NTPCR: variants seen among roughly 807,000 people sequenced by gnomAD.
NTPCR encodes cancer-related nucleoside-triphosphatase.
NTPCR carries 15 observed loss-of-function variants against 19.5 expected under a neutral mutation model. The observed-to-expected ratio is 0.77, with a 90% CI of 0.51 to 1.18. The LOEUF (loss-of-function observed/expected upper bound fraction) is 1.18. NTPCR is among the 50% of genes most tolerant of loss of function. NTPCR has a pLI of 0.00. For missense variants in NTPCR, 206 were observed against 240.4 expected (o/e 0.86, Z 0.95); for synonymous variants, 90 against 95.8 (o/e 0.94, Z 0.36).
rs115939844 is a variant in NTPCR, at chr1:232,958,600, G to A, written c.294+2157G>A. 7.3e-3 allele frequency among the ~76,000 whole-genome samples: 1,115 copies of A among 152,254 alleles called. 15 individuals carry two copies. Among genetic ancestry groups the A allele is most frequent in the African/African-American group, 0.024 (1,012 of 41,548 alleles). On this transcript the variant is annotated intron_variant, in intron 3 of 4. Coordinates refer to ENST00000366628, the MANE Select transcript of NTPCR (RefSeq NM_032324.3). ...CACCAAGTTCTCCTTTTCTTCCTAC[G>A]CTGTGTTTCCTCCTCCCACCTCCTT...
At chr1:232,972,000 C>T (rs754927030) in intron 4 of NTPCR, among the ~76,000 whole-genome samples, 12 of 151,936 alleles carry the variant, frequency 7.9e-5, no homozygotes, top group African/African-American at 2.4e-4. Context: ...TAGTGTTAGA[C>T]TCCAGGGATT....
chr1:232,952,962 T>TCCTGTGC (rs1465063142), intron 1 of NTPCR, among the ~76,000 whole-genome samples: 3 of 152,180 alleles, frequency 2.0e-5, no homozygotes, highest in Non-Finnish European at 2.9e-5. Flanking sequence ...GCCAGGGAAT[T>TCCTGTGC]CCTGTGCCCT....
At position 232,983,093 on chromosome 1, in the gene NTPCR, T is replaced by C. The variant is rs1346065586; in HGVS notation, c.*4862T>C. 6.6e-6 allele frequency: 1 copy of C among 152,234 alleles called. No individual in the cohort carries two copies. The allele number at this position is 152,234 out of a possible 1,614,324, so 9.4% of individuals were successfully genotyped here. A position where few individuals can be genotyped will look rare whatever the true frequency, so the allele number is the denominator to read the frequency against. ...TACAAAAAAAAAAATTAGAAAAGCA[T>C]TACCATTTACTTTCCAAGGGGCAAG... On this transcript the variant is annotated 3_prime_UTR_variant, in exon 5 of 5. Transcript: ENST00000366628.
In NTPCR at chr1:232,982,689, T is replaced by C. The variant is rs1301393528; in HGVS notation, c.*4458T>C. The C allele has an allele frequency of 6.6e-6, 1 of 152,236 alleles. No homozygotes were observed. Among genetic ancestry groups the C allele is most frequent in the African/African-American group, 2.4e-5 (1 of 41,446 alleles). The allele number at this position is 152,236 out of a possible 1,614,324, so 9.4% of individuals were successfully genotyped here. On this transcript the variant is annotated 3_prime_UTR_variant, in exon 5 of 5. Transcript: ENST00000366628. ...GAGATTCCCCGTTTTGTGGAATGCT[T>C]TCTGTGTTTCCTACTTCTGGATGCC...
chr1:232,958,617 C>T (rs978293665), intron 3 of NTPCR, among the ~76,000 whole-genome samples: 2 of 152,210 alleles, frequency 1.3e-5, no homozygotes, highest in East Asian at 3.9e-4. Flanking sequence ...TTCCTCCTCC[C>T]ACCTCCTTCT....
At position 232,956,378 on chromosome 1, in the gene NTPCR, C is replaced by T. The variant is rs745622660; in HGVS notation, c.229C>T (p.Arg77Ter). Reference protein sequence around the residue: ...LEPPPGKRECRVGQYVVDLTS... With the variant: ...LEPPPGKREC ...GCCTCCACCTGGAAAACGTGAATGC[C>T]GAGTTGGGCAGTATGTGGTCGACCT... The change falls in exon 3 of 5, where the codon CGA becomes TGA. Residue 77 changes from arginine to a stop codon, truncating the protein, a stop_gained. Coordinates refer to ENST00000366628, the MANE Select transcript of NTPCR (RefSeq NM_032324.3). LOFTEE classifies it high-confidence loss of function. 19 of 1,613,712 alleles carry T rather than the reference C, an allele frequency of 1.2e-5. No homozygotes were observed. Among genetic ancestry groups the T allele is most frequent in the African/African-American group, 5.3e-5 (4 of 74,874 alleles).
chr1:232,974,686 C>T (rs957136932), intron 4 of NTPCR, among the ~76,000 whole-genome samples: 14 of 152,162 alleles, frequency 9.2e-5, no homozygotes, highest in Admixed American at 1.3e-4. Flanking sequence ...ATATTGAGCA[C>T]GCACTGTATG....
At chr1:232,974,582 T>A (rs1669075236) in intron 4 of NTPCR, among the ~76,000 whole-genome samples, 1 of 152,146 alleles carries the variant, frequency 6.6e-6, no homozygotes, top group Non-Finnish European at 1.5e-5. Context: ...GAAAATAAAA[T>A]CTCACTGATA....
intron 1 of NTPCR, among the ~76,000 whole-genome samples, chr1:232,951,964 G>A (rs1368008181): frequency 1.3e-5 from 2 of 152,120 alleles, no homozygotes; most frequent in African/African-American, 2.4e-5. Context: ...TCCTGTTACC[G>A]TGATTGTATT....
intron 3 of NTPCR, chr1:232,968,789 C>A (rs1411552154): frequency 6.6e-6 from 1 of 152,350 alleles, no homozygotes; most frequent in East Asian, 1.9e-4. Context: ...ATCAGCTTTA[C>A]ATACAGTTTT....
chr1:232,974,609 C>T (rs1383462634), intron 4 of NTPCR, among the ~76,000 whole-genome samples: 1 of 152,226 alleles, frequency 6.6e-6, no homozygotes, highest in Non-Finnish European at 1.5e-5. Context: ...TTGGCACCTC[C>T]TATTACCTAG....
In NTPCR at chr1:232,979,751, CAG is replaced by C. The variant is rs1669236264; in HGVS notation, c.*1521_*1522del. On this transcript the variant is annotated 3_prime_UTR_variant, in exon 5 of 5. Coordinates refer to ENST00000366628, the MANE Select transcript of NTPCR (RefSeq NM_032324.3). The surrounding 1 kb of genome is among the most constrained non-coding windows in gnomAD (Gnocchi z 5.3). ...GGACACCGGTGTGGGCTGCATGCCT[CAG>C]TGGGCCAGGAGAGGCACGGCCTCTG... 6.6e-6 allele frequency: 1 copy of C among 152,234 alleles called. No individual in the cohort carries two copies. Among genetic ancestry groups the C allele is most frequent in the African/African-American group, 2.4e-5 (1 of 41,448 alleles). 9.4% of individuals were successfully genotyped at this position (152,234 alleles called of 1,614,324 possible).
Position 232,983,213 on chromosome 1 carries a change from T to C in NTPCR, c.*4982T>C, listed in dbSNP as rs1669327718. ...TTGTGTGACTGTTTAAAATTGAGTA[T>C]TTCCTTCTAACTATTGTCTTTTGAA... On this transcript the variant is annotated 3_prime_UTR_variant, in exon 5 of 5. Transcript: ENST00000366628. The C allele has an allele frequency of 1.3e-5, 2 of 152,252 alleles. No individual in the cohort carries two copies. Among genetic ancestry groups the C allele is most frequent in the Non-Finnish European group, 2.9e-5 (2 of 68,046 alleles). The allele number at this position is 152,252 out of a possible 1,614,324, so 9.4% of individuals were successfully genotyped here.
At position 232,980,495 on chromosome 1, in the gene NTPCR, T is replaced by A. The variant is rs1166532812; in HGVS notation, c.*2264T>A. 6.6e-6 allele frequency: 1 copy of A among 152,218 alleles called. No individual in the cohort carries two copies. Among genetic ancestry groups the A allele is most frequent in the Non-Finnish European group, 1.5e-5 (1 of 68,044 alleles). 9.4% of individuals were successfully genotyped at this position (152,218 alleles called of 1,614,324 possible). A position where few individuals can be genotyped will look rare whatever the true frequency, so the allele number is the denominator to read the frequency against. ...CCTCAGAGTTGACATTTAGCAGTGA[T>A]AAACTGCTGTAAATCCAAAGAACGT... On this transcript the variant is annotated 3_prime_UTR_variant, in exon 5 of 5. Transcript: ENST00000366628.
At chr1:232,970,842 G>A (rs1668955750) in intron 4 of NTPCR, among the ~76,000 whole-genome samples, 2 of 152,234 alleles carry the variant, frequency 1.3e-5, no homozygotes, top group South Asian at 4.1e-4. Flanking sequence ...TCTGTAGGAT[G>A]TGCCACTCAG....
chr1:232,954,114 C>T (rs1668448893), intron 1 of NTPCR, among the ~76,000 whole-genome samples: 2 of 152,228 alleles, frequency 1.3e-5, no homozygotes, highest in Non-Finnish European at 1.5e-5. Context: ...CTTACACATT[C>T]GGCAATGCCA....
chr1:232,972,597 T>C (rs763295703), intron 4 of NTPCR, among the ~76,000 whole-genome samples: 27 of 152,158 alleles, frequency 1.8e-4, no homozygotes, highest in Non-Finnish European at 1.6e-4. Context: ...GACTCATTTG[T>C]GCATTTTTTG....
chr1:232,978,395 T>G lies in NTPCR; in HGVS notation c.*164T>G. 1.7e-6 allele frequency: 1 copy of G among 592,136 alleles called. No homozygotes were observed. Among genetic ancestry groups the G allele is most frequent in the Non-Finnish European group, 3.0e-6 (1 of 333,130 alleles). The allele number at this position is 592,136 out of a possible 1,614,324, so 36.7% of individuals were successfully genotyped here. A position where few individuals can be genotyped will look rare whatever the true frequency, so the allele number is the denominator to read the frequency against. On this transcript the variant is annotated 3_prime_UTR_variant, in exon 5 of 5. Coordinates refer to ENST00000366628, the MANE Select transcript of NTPCR (RefSeq NM_032324.3). ...CCATAAAATGTTTAAAAGATCAAAT[T>G]AGCCTTAATGCTGGATTGTCTGTAC...
intron 4 of NTPCR, among the ~76,000 whole-genome samples, chr1:232,972,483 G>A (rs1669011144): frequency 6.6e-6 from 1 of 151,648 alleles, no homozygotes; most frequent in Non-Finnish European, 1.5e-5. Flanking sequence ...CTGGAGTGCA[G>A]TGGCATGCTC....
Sources: gnomAD v4.1 joint callset for allele counts (sites outside exome capture counted in the v4.1 genomes callset) on GRCh38, gnomAD v4.1.1 for gene constraint, Gnocchi (gnomAD v3.1) non-coding constraint, MANE v1.5 for transcripts, NCBI Gene and HGNC (gene_info 2026-07-23, HGNC 2026-07-21) for gene names.